Variants in ZNF106 observed in about 807,000 individuals in gnomAD.
The protein encoded by ZNF106 is zinc finger protein 106.
In ZNF106, 67 loss-of-function variants were observed where a neutral mutation model predicts 195.1. The observed-to-expected ratio is 0.34, with a 90% confidence interval of 0.28 to 0.42. ZNF106 has a LOEUF of 0.42. Ranked by LOEUF, ZNF106 falls within the 10% of genes least tolerant of loss-of-function variation. The probability of loss-of-function intolerance (pLI) is 1.00; values close to 1 mark genes in which losing one functional copy is unlikely to be tolerated. For synonymous variants in ZNF106, 784 were observed against 818.6 expected, an observed-to-expected ratio of 0.96 and a Z score of 0.72; for missense variants, 2,118 against 2,304.5, an observed-to-expected ratio of 0.92 and a Z score of 1.66.
At chr15:42,451,976 A>G (rs1216440329) in intron 4 of ZNF106, 22 bp from the exon 5 acceptor site, 1 of 1,588,544 alleles carries the variant, frequency 6.3e-7, no homozygotes, top group African/African-American at 1.4e-5. Context: ...ACAGTTTTTC[A>G]TTAGCGATTT....
At chr15:42,454,497 T>C (rs549807495) in intron 4 of ZNF106, among the ~76,000 whole-genome samples, 12 of 151,762 alleles carry the variant, frequency 7.9e-5, no homozygotes, top group Admixed American at 3.9e-4. Flanking sequence ...ATTCAGAAGA[T>C]AGGAGCATTC....
rs574366298 is a variant in ZNF106, at chr15:42,484,293, A to T, written c.-33+6687T>A. Among the ~76,000 whole-genome samples the T allele has an allele frequency of 6.7e-4, 102 of 152,326 alleles. 2 individuals carry two copies. The South Asian group carries it at 0.02, about 30-fold the overall frequency. On this transcript the variant is annotated intron_variant, in intron 1 of 21. Transcript: ENST00000564754. ...TTACACATGTAAAACTTCAAATATCAATTAATGTGCTAACTATAATAAAAA... is the reference window on the plus strand; with the variant it reads ...TTACACATGTAAAACTTCAAATATCTATTAATGTGCTAACTATAATAAAAA...
At position 42,448,326 on chromosome 15, in the gene ZNF106, C is replaced by T; in HGVS notation, c.2881G>A (p.Ala961Thr). The T allele has an allele frequency of 6.2e-7, 1 of 1,614,166 alleles. No homozygotes were observed. Among genetic ancestry groups the T allele is most frequent in the Non-Finnish European group, 8.5e-7 (1 of 1,180,020 alleles). The change falls in exon 6 of 22, where the codon GCA becomes ACA. Residue 961 changes from alanine (A) to threonine (T), a missense_variant. Transcript: ENST00000564754. Reference protein sequence around the residue: ...ENVATQRRHSAQLSSDHIIPL... With the variant: ...ENVATQRRHSTQLSSDHIIPL... ...ATTATATGGTCAGAGGATAATTGTG[C>T]ACTATGTCGCCTTTGGGTAGCAACA...
At position 42,481,357 on chromosome 15, in the gene ZNF106, GTTTT is replaced by G. The variant is rs751618549; in HGVS notation, c.-32-9040_-32-9037del. 7.2e-3 allele frequency among the ~76,000 whole-genome samples: 789 copies of G among 109,096 alleles called. 2 individuals are homozygous for G. The highest frequency in any genetic ancestry group is 0.025 in the African/African-American group (738 of 29,358). The allele number at this position is 109,096 out of a possible 152,430, so 71.6% of individuals were successfully genotyped here. A position where few individuals can be genotyped will look rare whatever the true frequency, so the allele number is the denominator to read the frequency against. ...TATTCTTTCTGTTTTTTTTTTTGTTGTTTTTTTTTTTTTTTTTTGAGACAGAGTC... is the reference window on the plus strand; with the variant it reads ...TATTCTTTCTGTTTTTTTTTTTGTTGTTTTTTTTTTTTTTGAGACAGAGTC... On this transcript the variant is annotated intron_variant, in intron 1 of 21. Transcript: ENST00000564754.
In ZNF106 at chr15:42,450,740, T is replaced by C. The variant is rs754852967; in HGVS notation, c.1532A>G (p.Asn511Ser). The C allele has an allele frequency of 3.8e-5, 61 of 1,614,226 alleles. No homozygotes were observed. The highest frequency in any genetic ancestry group is 5.0e-5 in the Non-Finnish European group (59 of 1,180,046). The change falls in exon 5 of 22, where the codon AAT (asparagine) becomes AGT (serine). Residue 511 changes from asparagine to serine, a missense_variant. Coordinates refer to ENST00000564754, the MANE Select transcript of ZNF106 (RefSeq NM_001366845.3). ...TTCCACAGTGGGCTTGTTCGAGGGATTTGAGTGTTCTCCAGGGGAAAAAAA... is the reference window on the plus strand; with the variant it reads ...TTCCACAGTGGGCTTGTTCGAGGGACTTGAGTGTTCTCCAGGGGAAAAAAA... ...TNFFSPGEHS[N>S]PSNKPTVEDN...
Position 42,425,169 on chromosome 15 carries a change from C to T in ZNF106, c.4999-144G>A, listed in dbSNP as rs7176832. 4.2e-3 allele frequency: 3,245 copies of T among 768,190 alleles called. 74 individuals are homozygous for T. In the African/African-American group the frequency reaches 0.051, roughly 12 times the overall value. 47.6% of individuals were successfully genotyped at this position (768,190 alleles called of 1,614,324 possible). ...TCTGCAGCCTTAACTTATCCATCTC[C>T]GCTATTTCCCACTCCAACCCTTTTT... On this transcript the variant is annotated intron_variant, in intron 15 of 21. Transcript: ENST00000564754.
At position 42,439,629 on chromosome 15, in the gene ZNF106, T is replaced by C; in HGVS notation, c.3948A>G (p.Glu1316=). 1 of 1,613,836 alleles carries C rather than the reference T, an allele frequency of 6.2e-7. No individual in the cohort carries two copies. The highest frequency in any genetic ancestry group is 1.1e-5 in the South Asian group (1 of 91,000). Reference sequence around the variant, plus strand: ...TATTGCCTTTGGTTGGCTCTTCCCCTTCTTTATTTATGCTAGAAAGACCAG... The same window carrying C: ...TATTGCCTTTGGTTGGCTCTTCCCCCTCTTTATTTATGCTAGAAAGACCAG... ...QSAGLSSINK[E]GEEPTKGNSG... is the part of the protein sequence containing the mutation. The change falls in exon 11 of 22, where the codon GAA becomes GAG. Residue 1316 remains glutamate, a synonymous_variant. Coordinates refer to ENST00000564754, the MANE Select transcript of ZNF106 (RefSeq NM_001366845.3).
intron 1 of ZNF106, among the ~76,000 whole-genome samples, 194 bp from the exon 2 acceptor site, chr15:42,472,515 C>A (rs1158543257): frequency 6.6e-6 from 1 of 152,064 alleles, no homozygotes; most frequent in East Asian, 1.9e-4. Context: ...CCCATATCCA[C>A]CCTCATTAGG....
intron 14 of ZNF106, among the ~76,000 whole-genome samples, chr15:42,430,136 A>T (rs2054999733): frequency 6.6e-6 from 1 of 152,066 alleles, no homozygotes; most frequent in Non-Finnish European, 1.5e-5. Context: ...CTCAATGTTA[A>T]AAAATGGTTA....
intron 3 of ZNF106, among the ~76,000 whole-genome samples, chr15:42,459,403 G>C (rs1240590907): frequency 2.0e-5 from 3 of 152,038 alleles, no homozygotes; most frequent in Admixed American, 1.3e-4. Context: ...TTGAACCCAG[G>C]AGGCAGAGGT....
chr15:42,459,807 G>A (rs552692997), intron 3 of ZNF106, among the ~76,000 whole-genome samples: 6 of 152,178 alleles, frequency 3.9e-5, no homozygotes, highest in East Asian at 3.9e-4. Context: ...TTGGGAGGCC[G>A]AGGTGGGTGG....
rs145737994 is a variant in ZNF106 at position 42,428,124 on chromosome 15, C to T, written c.4892G>A (p.Cys1631Tyr). ...IRCYNVKSRECVEQLQLEDRV... is the reference protein window; with the variant it reads ...IRCYNVKSREYVEQLQLEDRV... ...GTCTTCCAGCTGTAACTGCTCCACA[C>T]ACTCTCGGCTCTGATAAAAGCACAC... Residue 1631 changes from cysteine (C) to tyrosine (Y), a missense_variant, in exon 15 of 22, where the codon TGT becomes TAT. Coordinates refer to ENST00000564754, the MANE Select transcript of ZNF106 (RefSeq NM_001366845.3). The T allele has an allele frequency of 4.5e-5, 73 of 1,613,986 alleles. No homozygotes were observed. In the African/African-American group the frequency reaches 8.0e-4, roughly 18 times the overall value.
intron 1 of ZNF106, among the ~76,000 whole-genome samples, chr15:42,476,025 T>C (rs878908163): frequency 1.3e-5 from 2 of 152,154 alleles, no homozygotes; most frequent in Admixed American, 1.3e-4. Flanking sequence ...AATAAAGCCA[T>C]ACAATATAAT....
intron 10 of ZNF106, among the ~76,000 whole-genome samples, chr15:42,440,740 TGGAAGGCTGAGGC>T (rs900354651): frequency 6.6e-6 from 1 of 151,694 alleles, no homozygotes; most frequent in Admixed American, 6.6e-5. Context: ...CCCAGCACTT[TGGAAGGCTGAGGC>T]GGTCGGATCA....
intron 4 of ZNF106, among the ~76,000 whole-genome samples, chr15:42,456,140 T>A (rs868506258): frequency 3.9e-5 from 6 of 152,322 alleles, no homozygotes; most frequent in Middle Eastern, 3.4e-3. Flanking sequence ...AAATCAAATT[T>A]GGCAGAAGCA....
In ZNF106 at chr15:42,415,352, C is replaced by T; in HGVS notation, c.*1952G>A. On this transcript the variant is annotated 3_prime_UTR_variant, in exon 22 of 22. Transcript: ENST00000564754. ...GGCCAGGCTGGTCTCAAATGCCTGA[C>T]CTTGAGTGATCCACCCGCCTCGGCC... 1 of 442,738 alleles carries T rather than the reference C, an allele frequency of 2.3e-6. No individual in the cohort carries two copies. Among genetic ancestry groups the T allele is most frequent in the Non-Finnish European group, 4.5e-6 (1 of 220,836 alleles). The allele number at this position is 442,738 out of a possible 1,614,324, so 27.4% of individuals were successfully genotyped here. A position where few individuals can be genotyped will look rare whatever the true frequency, so the allele number is the denominator to read the frequency against.
chr15:42,466,788 C>T (rs73402767), intron 2 of ZNF106, among the ~76,000 whole-genome samples: 2,501 of 152,288 alleles, frequency 0.016, 80 homozygotes, highest in African/African-American at 0.057. Context: ...ATAGTAGGTT[C>T]CCTTCTTCCC....
chr15:42,428,984 C>T (rs1270860754), intron 14 of ZNF106, among the ~76,000 whole-genome samples: 2 of 151,270 alleles, frequency 1.3e-5, no homozygotes, highest in Non-Finnish European at 2.9e-5. Flanking sequence ...CCAGGATGGT[C>T]TCGATCTCCT....
At chr15:42,426,410 A>AG (rs1228088054) in intron 15 of ZNF106, among the ~76,000 whole-genome samples, 8 of 151,582 alleles carry the variant, frequency 5.3e-5, no homozygotes, top group South Asian at 4.2e-4. Flanking sequence ...AAAAAAAAAA[A>AG]AGAGAGAGAG....
Sources: allele counts gnomAD v4.1 joint callset (sites outside exome capture counted in the v4.1 genomes callset), GRCh38; gene constraint gnomAD v4.1.1; transcripts MANE v1.5; gene names NCBI Gene and HGNC (gene_info 2026-07-23, HGNC 2026-07-21).